Variants in ARHGAP26 observed in about 807,000 individuals in gnomAD.
The protein encoded by ARHGAP26 is rho GTPase-activating protein 26.
Under a neutral mutation model 104.8 loss-of-function variants are expected in ARHGAP26, and 38 were observed. The ratio of observed to expected loss-of-function variants is 0.36; its 90% CI spans 0.28 to 0.48. The LOEUF (loss-of-function observed/expected upper bound fraction) is 0.48. Among genes scored for constraint, ARHGAP26 ranks in the 20% least tolerant of loss-of-function variants. ARHGAP26 has a pLI of 0.99. For missense variants in ARHGAP26, 704 were observed against 947.9 expected (o/e 0.74, Z 3.38); for synonymous variants, 341 against 340.0 (o/e 1.00, Z -0.03).
intron 20 of ARHGAP26, among the ~76,000 whole-genome samples, chr5:143,199,147 G>A (rs1433569599): frequency 6.6e-6 from 1 of 152,130 alleles, no homozygotes; most frequent in East Asian, 1.9e-4. Context: ...TATTAGATGA[G>A]GGGAAATAAT....
At chr5:142,913,089 T>G (rs1762046770) in intron 9 of ARHGAP26, 110 bp from the exon 10 acceptor site, 3 of 961,164 alleles carry the variant, frequency 3.1e-6, no homozygotes, top group Non-Finnish European at 5.0e-6. Flanking sequence ...TCATGAGCAC[T>G]CAGATTTGAG....
chr5:143,086,989 GT>G (rs1790686329), intron 17 of ARHGAP26, among the ~76,000 whole-genome samples: 2 of 152,328 alleles, frequency 1.3e-5, no homozygotes, highest in South Asian at 4.1e-4. Context: ...AGTCTGCTGA[GT>G]TTTACGAGCT....
chr5:142,773,498 T>A (rs1438883276), intron 1 of ARHGAP26, among the ~76,000 whole-genome samples: 1 of 152,220 alleles, frequency 6.6e-6, no homozygotes, highest in African/African-American at 2.4e-5. Context: ...ACTTTATGAA[T>A]GAGATGCTGG....
intron 20 of ARHGAP26, among the ~76,000 whole-genome samples, chr5:143,175,788 T>C (rs1029955155): frequency 1.1e-4 from 17 of 152,206 alleles, no homozygotes; most frequent in African/African-American, 4.1e-4. Context: ...TTTTGACTTT[T>C]TCCCTTAATT....
rs1484478696 is a variant in ARHGAP26 at position 143,083,660 on chromosome 5, G to A, written c.1538+25913G>A. On this transcript the variant is annotated intron_variant, in intron 17 of 22. Transcript: ENST00000645722. ...ATTACAGGCACCTGCCACTACACCC[G>A]GCTAATTTTTGCATTTTTAGTAGAG... Among the ~76,000 whole-genome samples the A allele has an allele frequency of 2.6e-5, 4 of 152,006 alleles. No homozygotes were observed. The East Asian group carries it at 5.8e-4, about 22-fold the overall frequency.
intron 22 of ARHGAP26, among the ~76,000 whole-genome samples, chr5:143,214,881 T>C (rs114368038): frequency 6.6e-5 from 10 of 152,378 alleles, no homozygotes; most frequent in African/African-American, 2.4e-4. Flanking sequence ...TTTATCGTTC[T>C]CAAAGCCTCA....
At chr5:143,163,477 G>A (rs192834095) in intron 20 of ARHGAP26, among the ~76,000 whole-genome samples, 1 of 150,646 alleles carries the variant, frequency 6.6e-6, no homozygotes, top group East Asian at 1.9e-4. Context: ...TTAAGATGGA[G>A]TCTTGCTCTG....
intron 17 of ARHGAP26, among the ~76,000 whole-genome samples, chr5:143,066,436 T>C (rs957559727): frequency 6.6e-6 from 1 of 152,232 alleles, no homozygotes; most frequent in Non-Finnish European, 1.5e-5. Flanking sequence ...CCCACCCTTT[T>C]AGAGTTGTGC....
At chr5:143,157,038 G>A in intron 20 of ARHGAP26, among the ~76,000 whole-genome samples, 1 of 152,198 alleles carries the variant, frequency 6.6e-6, no homozygotes, top group East Asian at 1.9e-4. Flanking sequence ...ATAGCTCTCA[G>A]GCTATGTGAT....
At chr5:142,983,705 G>T (rs1774280639) in intron 11 of ARHGAP26, among the ~76,000 whole-genome samples, 1 of 152,132 alleles carries the variant, frequency 6.6e-6, no homozygotes, top group Non-Finnish European at 1.5e-5. Flanking sequence ...TAACTAAAAA[G>T]ATGAAGAGGA....
intron 11 of ARHGAP26, among the ~76,000 whole-genome samples, chr5:142,958,769 A>C (rs1242874471): frequency 6.6e-6 from 1 of 151,892 alleles, no homozygotes; most frequent in East Asian, 1.9e-4. Context: ...AATGAGTGTC[A>C]TTAGCAAATT....
At chr5:142,794,566 G>GA (rs1056708157) in intron 1 of ARHGAP26, among the ~76,000 whole-genome samples, 1 of 152,120 alleles carries the variant, frequency 6.6e-6, no homozygotes, top group African/African-American at 2.4e-5. Context: ...TTTGTAGGGG[G>GA]AAAAATGAGA....
chr5:143,089,719 A>G lies in ARHGAP26; in HGVS notation c.1539-31269A>G, dbSNP rs187610063. Reference sequence around the variant, plus strand: ...GTTTATCCAATCTACATTTTTATTAATTTTCACTCACCAAAATATTGACTC... The same window carrying G: ...GTTTATCCAATCTACATTTTTATTAGTTTTCACTCACCAAAATATTGACTC... On this transcript the variant is annotated intron_variant, in intron 17 of 22. Transcript: ENST00000645722. Among the ~76,000 whole-genome samples, 313 of 152,160 alleles carry G rather than the reference A, an allele frequency of 2.1e-3. 3 individuals carry two copies. Among genetic ancestry groups the G allele is most frequent in the African/African-American group, 6.6e-3 (272 of 41,506 alleles).
At chr5:142,999,663 C>G (rs747266867) in intron 11 of ARHGAP26, among the ~76,000 whole-genome samples, 5 of 152,012 alleles carry the variant, frequency 3.3e-5, no homozygotes, top group Non-Finnish European at 5.9e-5. Flanking sequence ...AAATCTAAAA[C>G]TATAAAGCCT....
chr5:142,783,527 C>T (rs1318351800), intron 1 of ARHGAP26, among the ~76,000 whole-genome samples: 1 of 150,382 alleles, frequency 6.6e-6, no homozygotes, highest in Non-Finnish European at 1.5e-5. Flanking sequence ...GCTGGTTGAG[C>T]TGTTGCACAG....
At chr5:142,914,395 TG>T (rs1762220056) in intron 10 of ARHGAP26, among the ~76,000 whole-genome samples, 1 of 152,284 alleles carries the variant, frequency 6.6e-6, no homozygotes, top group Non-Finnish European at 1.5e-5. Context: ...ATTTTGACTT[TG>T]CTGCTTAGTA....
chr5:143,069,678 T>C (rs1259366128), intron 17 of ARHGAP26, among the ~76,000 whole-genome samples: 1 of 152,320 alleles, frequency 6.6e-6, no homozygotes, highest in Non-Finnish European at 1.5e-5. Context: ...GTCAGCTGTT[T>C]ATAGGAGTTG....
chr5:142,977,280 C>T (rs1467416178), intron 11 of ARHGAP26, among the ~76,000 whole-genome samples: 3 of 152,174 alleles, frequency 2.0e-5, no homozygotes, highest in African/African-American at 7.2e-5. Flanking sequence ...AAAGTAACAC[C>T]TCAACCCGCG....
At chr5:143,083,585 G>A (rs1229478492) in intron 17 of ARHGAP26, among the ~76,000 whole-genome samples, 2 of 152,048 alleles carry the variant, frequency 1.3e-5, no homozygotes, top group Non-Finnish European at 1.5e-5. Flanking sequence ...TGCAATCTCC[G>A]CCTCCTGGGT....
Sources: allele counts gnomAD v4.1 joint callset (sites outside exome capture counted in the v4.1 genomes callset), GRCh38; gene constraint gnomAD v4.1.1; transcripts MANE v1.5; gene names NCBI Gene and HGNC (gene_info 2026-07-23, HGNC 2026-07-21).